The following BMP5 variants were observed in gnomAD, a reference collection of about 807,000 sequenced individuals.
BMP5 encodes the protein bone morphogenetic protein 5.
Under a neutral mutation model 46.6 loss-of-function variants are expected in BMP5, and 23 were observed. That is an observed-to-expected ratio of 0.49 (90% confidence interval 0.35 to 0.70). The LOEUF is 0.70. Among genes scored for constraint, BMP5 ranks in the 30% least tolerant of loss-of-function variants. The pLI is 0.00. For synonymous variants in BMP5, 204 were observed against 191.9 expected (o/e 1.06, Z -0.52); for missense variants, 545 against 565.6 (o/e 0.96, Z 0.37).
intron 2 of BMP5, among the ~76,000 whole-genome samples, chr6:55,817,391 A>G (rs1776299305): frequency 6.6e-6 from 1 of 152,208 alleles, no homozygotes; most frequent in Non-Finnish European, 1.5e-5. Context: ...AAAATATGGC[A>G]CATATACACC....
chr6:55,825,018 A>G (rs1319915031), intron 1 of BMP5, among the ~76,000 whole-genome samples: 1 of 141,720 alleles, frequency 7.1e-6, no homozygotes, highest in East Asian at 2.1e-4. Context: ...ATTATCATGT[A>G]AAATTATTCC....
In BMP5 at chr6:55,862,855, C is replaced by T. The variant is rs368432509; in HGVS notation, c.490+11521G>A. ...GCTCCAGTCTTTTTGGACTAAAAGG[C>T]TTCCATAGGTTCTGTCAACTGGTAA... is the stretch of plus-strand genomic sequence containing the variant. On this transcript the variant is annotated intron_variant, in intron 1 of 6. Transcript: ENST00000370830. Among the ~76,000 whole-genome samples the T allele has an allele frequency of 4.3e-4, 66 of 152,258 alleles. No individual in the cohort carries two copies. The South Asian group carries it at 0.013, about 30-fold the overall frequency.
chr6:55,847,417 A>G (rs1454453230), intron 1 of BMP5, among the ~76,000 whole-genome samples: 2 of 151,948 alleles, frequency 1.3e-5, no homozygotes, highest in Non-Finnish European at 2.9e-5. Flanking sequence ...AATTAATCTT[A>G]CAAAGTAATG....
chr6:55,850,381 GATA>G (rs1161086392), intron 1 of BMP5, among the ~76,000 whole-genome samples: 16 of 143,470 alleles, frequency 1.1e-4, no homozygotes, highest in African/African-American at 4.8e-4. Context: ...TAGATAGATA[GATA>G]GATAGATAGA....
chr6:55,873,107 C>T (rs977656306), intron 1 of BMP5, among the ~76,000 whole-genome samples: 6 of 151,820 alleles, frequency 4.0e-5, no homozygotes, highest in African/African-American at 1.2e-4. Context: ...GTACCTTATC[C>T]TTCATGCTAG....
At chr6:55,758,678 A>T (rs73453340) in intron 6 of BMP5, among the ~76,000 whole-genome samples, 1 of 151,894 alleles carries the variant, frequency 6.6e-6, no homozygotes, top group Non-Finnish European at 1.5e-5. Context: ...AATGATTACT[A>T]ATGAATTGCT....
At chr6:55,828,401 G>C (rs1776580706) in intron 1 of BMP5, among the ~76,000 whole-genome samples, 1 of 151,732 alleles carries the variant, frequency 6.6e-6, no homozygotes, top group African/African-American at 2.4e-5. Context: ...ACTGTGAAAA[G>C]ACAGACATCA....
chr6:55,858,295 G>C (rs1371834290), intron 1 of BMP5, among the ~76,000 whole-genome samples: 1 of 151,932 alleles, frequency 6.6e-6, no homozygotes, highest in Non-Finnish European at 1.5e-5. Context: ...TTTCAAAATA[G>C]AATGTTGACG....
At chr6:55,837,335 TTAGATAGATAGATAGA>T (rs34459081) in intron 1 of BMP5, among the ~76,000 whole-genome samples, 20 of 124,012 alleles carry the variant, frequency 1.6e-4, no homozygotes, top group East Asian at 4.0e-4. Flanking sequence ...TAAAACTAAT[TTAGATAGATAGATAGA>T]TAGATAGATA....
Position 55,834,163 on chromosome 6 carries a change from A to G in BMP5, c.491-14316T>C, listed in dbSNP as rs114033624. Among the ~76,000 whole-genome samples the G allele has an allele frequency of 3.6e-3, 550 of 152,268 alleles. 8 individuals carry two copies. The highest frequency in any genetic ancestry group is 0.014 in the Middle Eastern group (4 of 294). On this transcript the variant is annotated intron_variant, in intron 1 of 6. Coordinates refer to ENST00000370830, the MANE Select transcript of BMP5 (RefSeq NM_021073.4). ...CTTGATTCTAGATGAAATATAGGTC[A>G]TGGAACTAGCATTAGTTAAATTGAG...
intron 1 of BMP5, among the ~76,000 whole-genome samples, chr6:55,834,913 T>G (rs909756629): frequency 1.3e-5 from 2 of 152,078 alleles, no homozygotes; most frequent in African/African-American, 4.8e-5. Context: ...AATCCATGTC[T>G]GTACTAAAAA....
At position 55,805,621 on chromosome 6, in the gene BMP5, A is replaced by G. The variant is rs567709232; in HGVS notation, c.684-11194T>C. Among the ~76,000 whole-genome samples, 15 of 152,340 alleles carry G rather than the reference A, an allele frequency of 9.8e-5. No homozygotes were observed. The East Asian group carries it at 2.1e-3, about 22-fold the overall frequency. ...TGGGTCAGATGGTATTTCTGGTTCTAGATCCTTGAGGAATCGGCACATTGT... is the reference window on the plus strand; with the variant it reads ...TGGGTCAGATGGTATTTCTGGTTCTGGATCCTTGAGGAATCGGCACATTGT... On this transcript the variant is annotated intron_variant, in intron 2 of 6. Coordinates refer to ENST00000370830, the MANE Select transcript of BMP5 (RefSeq NM_021073.4).
At chr6:55,871,026 T>C (rs1374050539) in intron 1 of BMP5, among the ~76,000 whole-genome samples, 1 of 151,972 alleles carries the variant, frequency 6.6e-6, no homozygotes, top group East Asian at 1.9e-4. Flanking sequence ...TGTTATGTCA[T>C]TATGGTGATA....
At chr6:55,756,733 A>G (rs1301491693) in intron 6 of BMP5, among the ~76,000 whole-genome samples, 2 of 151,950 alleles carry the variant, frequency 1.3e-5, no homozygotes, top group African/African-American at 4.8e-5. Flanking sequence ...GAAATTTCCT[A>G]AGGCCTCACA....
chr6:55,834,957 G>C (rs895851668), intron 1 of BMP5, among the ~76,000 whole-genome samples: 3 of 151,968 alleles, frequency 2.0e-5, no homozygotes, highest in African/African-American at 7.2e-5. Context: ...ATGGTGGCAG[G>C]TGCCTATAAT....
intron 1 of BMP5, among the ~76,000 whole-genome samples, chr6:55,864,038 TA>T (rs75976345): frequency 0.02 from 2,996 of 150,826 alleles, 135 homozygotes; most frequent in Admixed American, 0.11. Context: ...ATCACACATA[TA>T]AAAAAAAAGC....
chr6:55,874,808 C>G lies in BMP5; in HGVS notation c.58G>C (p.Val20Leu), dbSNP rs765924459. ...GIVGFLWSCWVLVGYAKGGLG... is the reference protein window; with the variant it reads ...GIVGFLWSCWLLVGYAKGGLG... ...CCTCCTTTTGCATAACCCACTAGAACCCAGCAGCTCCAGAGGAAACCCACA... is the reference window on the plus strand; with the variant it reads ...CCTCCTTTTGCATAACCCACTAGAAGCCAGCAGCTCCAGAGGAAACCCACA... The change falls in exon 1 of 7, where the codon GTT becomes CTT. Residue 20 changes from valine to leucine, a missense_variant. Coordinates refer to ENST00000370830, the MANE Select transcript of BMP5 (RefSeq NM_021073.4). The G allele has an allele frequency of 2.0e-5, 33 of 1,613,136 alleles. No homozygotes were observed. Among genetic ancestry groups the G allele is most frequent in the Middle Eastern group, 1.6e-4 (1 of 6,072 alleles).
chr6:55,762,733 C>T lies in BMP5; in HGVS notation c.1028-2200G>A, dbSNP rs1052340123. On this transcript the variant is annotated intron_variant, in intron 4 of 6. Transcript: ENST00000370830. ...TTCATAAACTCCTTGATATACAAAA[C>T]GGGGAAAAACAAATGTTAGCTATGC... 3.9e-5 allele frequency among the ~76,000 whole-genome samples: 6 copies of T among 151,946 alleles called. No individual in the cohort carries two copies. The South Asian group carries it at 6.2e-4, about 16-fold the overall frequency.
At chr6:55,764,290 T>C (rs1774857863) in intron 4 of BMP5, among the ~76,000 whole-genome samples, 1 of 152,094 alleles carries the variant, frequency 6.6e-6, no homozygotes, top group Non-Finnish European at 1.5e-5. Flanking sequence ...AAGAATGAAA[T>C]TGGCCTGGCG....
Sources: gnomAD v4.1 joint callset for allele counts (sites outside exome capture counted in the v4.1 genomes callset) on GRCh38, gnomAD v4.1.1 for gene constraint, MANE v1.5 for transcripts, NCBI Gene and HGNC (gene_info 2026-07-23, HGNC 2026-07-21) for gene names.